The following LAMC3 variants were observed in gnomAD, a reference collection of about 807,000 sequenced individuals.
The protein encoded by LAMC3 is laminin subunit gamma 3, also known as laminin subunit gamma-3.
LAMC3 carries 128 observed loss-of-function variants against 173.8 expected under a neutral mutation model. The observed-to-expected ratio is 0.74, with a 90% CI of 0.64 to 0.85. The LOEUF (loss-of-function observed/expected upper bound fraction) is 0.85, where lower values mean the gene tolerates loss of function less well. LAMC3 is among the 40% of genes least tolerant of loss of function. The pLI, the probability that LAMC3 is intolerant of heterozygous loss-of-function variation, is 0.00. For missense variants in LAMC3, 2,022 were observed against 2,156.0 expected (o/e 0.94, Z 1.23); for synonymous variants, 897 against 909.1 (o/e 0.99, Z 0.24).
At chr9:131,020,722 C>G (rs1274389830) in intron 1 of LAMC3, among the ~76,000 whole-genome samples, 1 of 152,148 alleles carries the variant, frequency 6.6e-6, no homozygotes, top group Non-Finnish European at 1.5e-5. Context: ...CAAGGAATTC[C>G]AGAGAATGAG....
intron 12 of LAMC3, among the ~76,000 whole-genome samples, chr9:131,059,252 G>A (rs892023863): frequency 6.6e-6 from 1 of 151,570 alleles, no homozygotes; most frequent in African/African-American, 2.4e-5. Flanking sequence ...CAGCACTTTG[G>A]GAGGCCGAGG....
At position 131,091,935 on chromosome 9, in the gene LAMC3, G is replaced by A. The variant is rs973581208; in HGVS notation, c.*148G>A. ...CCCGTGTGGATAGTCACTCCCTGCC[G>A]ATTCTGTCTGTGGCTTCTTCCCTGC... On this transcript the variant is annotated 3_prime_UTR_variant, in exon 28 of 28. Transcript: ENST00000361069. 25 of 921,966 alleles carry A rather than the reference G, an allele frequency of 2.7e-5. No individual in the cohort carries two copies. The African/African-American group carries it at 2.9e-4, about 11-fold the overall frequency. The allele number at this position is 921,966 out of a possible 1,614,324, so 57.1% of individuals were successfully genotyped here.
chr9:131,064,676 A>AAAAAG (rs1554788852), intron 13 of LAMC3, among the ~76,000 whole-genome samples: 1 of 146,540 alleles, frequency 6.8e-6, no homozygotes, highest in Non-Finnish European at 1.5e-5. Context: ...AAAAAAAAAA[A>AAAAAG]AAAAGAAATG....
chr9:131,072,237 C>T (rs1181563077), intron 18 of LAMC3, among the ~76,000 whole-genome samples: 3 of 152,158 alleles, frequency 2.0e-5, no homozygotes, highest in South Asian at 4.1e-4. Flanking sequence ...AGCAGCCAGA[C>T]AGAGGCGAGC....
intron 13 of LAMC3, among the ~76,000 whole-genome samples, chr9:131,065,609 G>A (rs1053643171): frequency 1.3e-5 from 2 of 152,162 alleles, no homozygotes; most frequent in Non-Finnish European, 2.9e-5. Context: ...TGACAATGAG[G>A]TGATGATAAA....
chr9:131,052,531 C>A lies in LAMC3; in HGVS notation c.1671C>A (p.Pro557=). The A allele has an allele frequency of 6.2e-7, 1 of 1,614,194 alleles. No homozygotes were observed. The highest frequency in any genetic ancestry group is 8.5e-7 in the Non-Finnish European group (1 of 1,180,018). ...ACCAGCGGTTCAGCTATGGGCAGCC[C>A]CTCATACTGACCTTCCGGGTGCCCC... is the stretch of plus-strand genomic sequence containing the variant. The part of the protein sequence containing the change: ...LGDQRFSYGQ[P]LILTFRVPPG... The change falls in exon 10 of 28, where the codon CCC becomes CCA. Residue 557 remains proline, a synonymous_variant. Coordinates refer to ENST00000361069, the MANE Select transcript of LAMC3 (RefSeq NM_006059.4).
chr9:131,062,257 A>G (rs1357092492), intron 13 of LAMC3, among the ~76,000 whole-genome samples: 1 of 152,020 alleles, frequency 6.6e-6, no homozygotes, highest in African/African-American at 2.4e-5. Context: ...GTTACTCGGG[A>G]GGCTGAGGCA....
At chr9:131,045,154 G>A (rs577377322) in intron 7 of LAMC3, among the ~76,000 whole-genome samples, 22 of 150,284 alleles carry the variant, frequency 1.5e-4, no homozygotes, top group Non-Finnish European at 2.5e-4. Flanking sequence ...CCCGGGAGGC[G>A]GAGGCTGCAG....
chr9:131,068,429 G>A (rs1035686485), intron 15 of LAMC3, among the ~76,000 whole-genome samples, 198 bp downstream of exon 15: 2 of 152,212 alleles, frequency 1.3e-5, no homozygotes, highest in African/African-American at 4.8e-5. Flanking sequence ...CAGGATGCAG[G>A]CCAAGAGCAG....
intron 7 of LAMC3, among the ~76,000 whole-genome samples, chr9:131,042,640 C>T (rs1351362656): frequency 1.3e-5 from 2 of 152,094 alleles, no homozygotes; most frequent in African/African-American, 4.8e-5. Flanking sequence ...TAATGGAGCA[C>T]TATCAACCCT....
In LAMC3 at chr9:131,082,088, C is replaced by T; in HGVS notation, c.3957C>T (p.Thr1319=). Residue 1319 remains threonine, a synonymous_variant, in exon 24 of 28, where the codon ACC becomes ACT. Transcript: ENST00000361069. ...ACCAGGAGGCCAGAGCCGCCCTGAC[C>T]CAGGCTTCCTCATCTGTCCAGGCTG... ...KLHQEARAAL[T]QASSSVQAAT... is the part of the protein sequence containing the mutation. 6.2e-6 allele frequency: 10 copies of T among 1,613,966 alleles called. No individual in the cohort carries two copies. The highest frequency in any genetic ancestry group is 8.5e-6 in the Non-Finnish European group (10 of 1,179,948).
intron 1 of LAMC3, among the ~76,000 whole-genome samples, chr9:131,019,894 C>G (rs934594835): frequency 6.6e-6 from 1 of 151,872 alleles, no homozygotes; most frequent in Non-Finnish European, 1.5e-5. Flanking sequence ...CCCGGCCGGG[C>G]CCCGCACCGC....
At chr9:131,031,813 T>C (rs953886466) in intron 2 of LAMC3, among the ~76,000 whole-genome samples, 7 of 152,138 alleles carry the variant, frequency 4.6e-5, no homozygotes, top group African/African-American at 1.4e-4. Flanking sequence ...AAATGGAGGC[T>C]CTAAGACACT....
rs1218166859 is a variant in LAMC3 at position 131,009,552 on chromosome 9, A to G, written c.338A>G (p.Gln113Arg). The change falls in exon 1 of 28, where the codon CAG becomes CGG. Residue 113 changes from glutamine (Q) to arginine (R), a missense_variant. Coordinates refer to ENST00000361069, the MANE Select transcript of LAMC3 (RefSeq NM_006059.4). The surrounding 1 kb of genome is among the most constrained non-coding windows in gnomAD (Gnocchi z 4.3). Reference protein sequence around the residue: ...WQSPSMAFGVQYPTSVNITLR... With the variant: ...WQSPSMAFGVRYPTSVNITLR... Reference sequence around the variant, plus strand: ...AGCCCGTCCATGGCCTTCGGCGTGCAGTACCCCACCTCGGTCAACATCACC... The same window carrying G: ...AGCCCGTCCATGGCCTTCGGCGTGCGGTACCCCACCTCGGTCAACATCACC... 2 of 1,570,106 alleles carry G rather than the reference A, an allele frequency of 1.3e-6. No homozygotes were observed. The highest frequency in any genetic ancestry group is 3.7e-5 in the Admixed American group (2 of 54,436).
Position 131,052,618 on chromosome 9 carries a change from G to T in LAMC3, c.1758G>T (p.Leu586=). Residue 586 remains leucine (L), a synonymous_variant, in exon 10 of 28, where the codon CTG becomes CTT. Transcript: ENST00000361069. ...AAGGGACAGGCTTGGCCCTGTCCCT[G>T]AGGCACTCTAGCCTGTCTGGCCCCC... ...RLEGTGLALS[L]RHSSLSGPQD... The T allele has an allele frequency of 6.2e-7, 1 of 1,613,940 alleles. No homozygotes were observed. The highest frequency in any genetic ancestry group is 8.5e-7 in the Non-Finnish European group (1 of 1,179,944).
At position 131,086,575 on chromosome 9, in the gene LAMC3, C is replaced by CTTTTTTTTT. The variant is rs778812487; in HGVS notation, c.4230+856_4230+864dup. On this transcript the variant is annotated intron_variant, in intron 25 of 27. Transcript: ENST00000361069. ...GGTGTGTGCCACTGTGCCTGGCTAA[C>CTTTTTTTTT]TTTTTTTTTTTTGCAGAGATGAGGA... Among the ~76,000 whole-genome samples, 18 of 92,476 alleles carry CTTTTTTTTT rather than the reference C, an allele frequency of 1.9e-4. 1 individual carries two copies. Among genetic ancestry groups the CTTTTTTTTT allele is most frequent in the Non-Finnish European group, 2.8e-4 (14 of 49,510 alleles). The allele number at this position is 92,476 out of a possible 152,430, so 60.7% of individuals were successfully genotyped here.
intron 1 of LAMC3, among the ~76,000 whole-genome samples, chr9:131,016,336 G>A (rs932221788): frequency 6.6e-6 from 1 of 152,126 alleles, no homozygotes; most frequent in African/African-American, 2.4e-5. Flanking sequence ...GGTGGTGAAG[G>A]TTGCACAACA....
chr9:131,062,254 G>A (rs1006990195), intron 13 of LAMC3, among the ~76,000 whole-genome samples: 6 of 151,362 alleles, frequency 4.0e-5, no homozygotes, highest in Non-Finnish European at 7.4e-5. Flanking sequence ...CCAGTTACTC[G>A]GGAGGCTGAG....
intron 6 of LAMC3, among the ~76,000 whole-genome samples, chr9:131,041,391 A>G (rs1048366604): frequency 5.8e-5 from 7 of 120,464 alleles, no homozygotes; most frequent in Admixed American, 1.6e-4. Flanking sequence ...ATGGATGATG[A>G]GTGAGTGCGT....
Sources: allele counts gnomAD v4.1 joint callset (sites outside exome capture counted in the v4.1 genomes callset), GRCh38; gene constraint gnomAD v4.1.1; non-coding constraint Gnocchi (gnomAD v3.1); transcripts MANE v1.5; gene names NCBI Gene and HGNC (gene_info 2026-07-23, HGNC 2026-07-21).